Variants in CFTR observed in about 807,000 individuals in gnomAD.
CFTR encodes cystic fibrosis transmembrane conductance regulator.
In CFTR, 181 loss-of-function variants were observed where a neutral mutation model predicts 171.6. That is an observed-to-expected ratio of 1.05 (90% CI 0.93 to 1.19). The LOEUF is 1.19. CFTR is among the 50% of genes most tolerant of loss of function. The pLI, the probability that CFTR is intolerant of heterozygous loss-of-function variation, is 0.00. For synonymous variants in CFTR, 583 were observed against 608.0 expected (o/e 0.96, Z 0.60); for missense variants, 1,968 against 1,734.7 (o/e 1.13, Z -2.39).
intron 10 of CFTR, among the ~76,000 whole-genome samples, chr7:117,552,104 A>C (rs1247676484): frequency 6.6e-6 from 1 of 152,086 alleles, no homozygotes; most frequent in Non-Finnish European, 1.5e-5. Flanking sequence ...ATGACACTAT[A>C]CATGATTTAT....
At chr7:117,655,913 C>G (rs1307618637) in intron 24 of CFTR, among the ~76,000 whole-genome samples, 1 of 151,984 alleles carries the variant, frequency 6.6e-6, no homozygotes, top group Non-Finnish European at 1.5e-5. Context: ...TCTGGGATGT[C>G]TTTTATAAGG....
chr7:117,509,184 A>G (rs748356123), intron 3 of CFTR, 42 bp downstream of exon 3: 3 of 1,138,260 alleles, frequency 2.6e-6, no homozygotes, highest in Non-Finnish European at 4.0e-6. Context: ...TCACATAACT[A>G]TATTCATTTT....
intron 11 of CFTR, among the ~76,000 whole-genome samples, chr7:117,584,528 A>G (rs1204426471): frequency 6.6e-6 from 1 of 152,044 alleles, no homozygotes. Context: ...TCCATTGTCT[A>G]CTTGCCTATT....
chr7:117,504,970 G>C (rs1798391638), intron 2 of CFTR, among the ~76,000 whole-genome samples: 1 of 152,064 alleles, frequency 6.6e-6, no homozygotes, highest in Non-Finnish European at 1.5e-5. Context: ...AGTAAATCGT[G>C]TATATTTGCT....
chr7:117,547,624 G>C (rs1401682041), intron 9 of CFTR, among the ~76,000 whole-genome samples: 1 of 152,132 alleles, frequency 6.6e-6, no homozygotes, highest in Non-Finnish European at 1.5e-5. Flanking sequence ...CCTTAGGTTT[G>C]AAATCTGGGT....
At chr7:117,637,981 T>G (rs374091275) in intron 22 of CFTR, among the ~76,000 whole-genome samples, 23 of 152,326 alleles carry the variant, frequency 1.5e-4, no homozygotes, top group Middle Eastern at 3.4e-3. Flanking sequence ...GCAAAATTCA[T>G]AAAAGTATAG....
At chr7:117,541,108 T>C (rs1799045511) in intron 8 of CFTR, among the ~76,000 whole-genome samples, 1 of 152,210 alleles carries the variant, frequency 6.6e-6, no homozygotes, top group Non-Finnish European at 1.5e-5. Context: ...ATTCCTTCAT[T>C]ATATCACCTA....
chr7:117,590,545 T>C (rs1792010684), intron 13 of CFTR, 106 bp downstream of exon 13: 1 of 1,361,396 alleles, frequency 7.3e-7, no homozygotes, highest in Admixed American at 2.1e-5. Flanking sequence ...ATGTTCACCA[T>C]TGTTGGTATG....
At chr7:117,541,387 G>C (rs1304736998) in intron 8 of CFTR, among the ~76,000 whole-genome samples, 1 of 152,174 alleles carries the variant, frequency 6.6e-6, no homozygotes, top group Non-Finnish European at 1.5e-5. Flanking sequence ...GAGGAGCAGA[G>C]AAGAAAATGA....
Position 117,590,340 on chromosome 7 carries a change from AT to A in CFTR, c.1680-9del. 6.2e-7 allele frequency: 1 copy of A among 1,600,548 alleles called. No homozygotes were observed. The highest frequency in any genetic ancestry group is 1.1e-5 in the South Asian group (1 of 90,842). On this transcript the variant is annotated splice_polypyrimidine_tract_variant and intron_variant, in intron 12 of 26. Transcript: ENST00000003084. ...AGAGAGGAAATGTAATTTAATTTCC[AT>A]TTTCTTTTTAGAGCAGTATACAAAG...
At chr7:117,563,349 C>A (rs764330768) in intron 11 of CFTR, among the ~76,000 whole-genome samples, 1 of 152,006 alleles carries the variant, frequency 6.6e-6, no homozygotes, top group Non-Finnish European at 1.5e-5. Flanking sequence ...AATAGGAAAC[C>A]ATTTCAGGAA....
rs193922528 is a variant in CFTR at position 117,666,945 on chromosome 7, T to C, written c.4280T>C (p.Ile1427Thr). 6.2e-7 allele frequency: 1 copy of C among 1,613,994 alleles called. No homozygotes were observed. The highest frequency in any genetic ancestry group is 8.5e-7 in the Non-Finnish European group (1 of 1,179,964). ...EENKVRQYDS[I>T]QKLLNERSLF... ...AACAAAGTGCGGCAGTACGATTCCA[T>C]CCAGAAACTGCTGAACGAGAGGAGC... Residue 1427 changes from isoleucine to threonine, a missense_variant, in exon 27 of 27, where the codon ATC (isoleucine) becomes ACC (threonine). Ile to Thr is a moderately conservative substitution (Grantham distance 89, BLOSUM62 -1). Transcript: ENST00000003084.
intron 1 of CFTR, among the ~76,000 whole-genome samples, chr7:117,481,622 A>C (rs1297559715): frequency 6.6e-6 from 1 of 152,190 alleles, no homozygotes; most frequent in Non-Finnish European, 1.5e-5. Context: ...TAAGTGTGTT[A>C]AGAGCATACT....
At chr7:117,602,362 T>G (rs77840905) in intron 15 of CFTR, among the ~76,000 whole-genome samples, 10 of 152,374 alleles carry the variant, frequency 6.6e-5, no homozygotes, top group African/African-American at 2.2e-4. Context: ...TTTCCATTAA[T>G]ATTAATCTCA....
chr7:117,668,602 T>A lies in CFTR; in HGVS notation c.*1494T>A, dbSNP rs1474169318. On this transcript the variant is annotated 3_prime_UTR_variant, in exon 27 of 27. Transcript: ENST00000003084. ...ACTCCAAACTGACTCTTAAGAAGAC[T>A]GCATTATATTTATTACTGTAAGAAA... The A allele has an allele frequency of 2.0e-5, 3 of 152,642 alleles. No homozygotes were observed. The highest frequency in any genetic ancestry group is 7.2e-5 in the African/African-American group (3 of 41,456). The allele number at this position is 152,642 out of a possible 1,614,324, so 9.5% of individuals were successfully genotyped here.
intron 1 of CFTR, among the ~76,000 whole-genome samples, chr7:117,494,722 T>A (rs953582542): frequency 5.3e-5 from 8 of 152,148 alleles, no homozygotes; most frequent in Admixed American, 2.0e-4. Context: ...AGAGAGGAAA[T>A]ACCAAATAAA....
intron 1 of CFTR, among the ~76,000 whole-genome samples, chr7:117,485,859 T>G (rs887506384): frequency 6.6e-6 from 1 of 152,172 alleles, no homozygotes; most frequent in African/African-American, 2.4e-5. Context: ...TAGTATGATA[T>G]TCAGACCATT....
intron 26 of CFTR, among the ~76,000 whole-genome samples, 155 bp from the exon 27 acceptor site, chr7:117,666,753 G>A (rs1793382208): frequency 6.6e-6 from 1 of 152,206 alleles, no homozygotes; most frequent in Non-Finnish European, 1.5e-5. Context: ...AAAGGACACA[G>A]CAGTTAAATG....
chr7:117,512,277 C>G (rs1353051489), intron 3 of CFTR, among the ~76,000 whole-genome samples: 3 of 152,156 alleles, frequency 2.0e-5, no homozygotes, highest in Admixed American at 2.0e-4. Flanking sequence ...TATGCACTTG[C>G]TTTTTCTTCA....
Sources: gnomAD v4.1 joint callset for allele counts (sites outside exome capture counted in the v4.1 genomes callset) on GRCh38, gnomAD v4.1.1 for gene constraint, MANE v1.5 for transcripts, NCBI Gene and HGNC (gene_info 2026-07-23, HGNC 2026-07-21) for gene names.